Variants in NFS1 observed in about 807,000 individuals in gnomAD.
NFS1 encodes the protein NFS1 cysteine desulfurase, also known as cysteine desulfurase.
NFS1 carries 26 observed loss-of-function variants against 57.3 expected under a neutral mutation model. The observed-to-expected ratio is 0.45, with a 90% CI of 0.33 to 0.63. NFS1 has a LOEUF of 0.63. NFS1 is among the 20% of genes least tolerant of loss of function. The pLI is 0.02. For missense variants in NFS1, 505 were observed against 605.8 expected (o/e 0.83, Z 1.75); for synonymous variants, 209 against 216.3 (o/e 0.97, Z 0.30).
chr20:35,682,125 G>A, intron 5 of NFS1, 144 bp from the exon 6 acceptor site: 1 of 511,008 alleles, frequency 2.0e-6, no homozygotes, highest in Non-Finnish European at 3.7e-6. Context: ...AACACAAAAT[G>A]TTGGTGAGGA....
chr20:35,696,595 C>A, intron 3 of NFS1, 135 bp from the exon 4 acceptor site: 1 of 626,812 alleles, frequency 1.6e-6, no homozygotes, highest in South Asian at 1.9e-5. Flanking sequence ...AAGGTCTGCA[C>A]CTACAAGAAT....
chr20:35,689,110 C>T (rs1257378126), intron 5 of NFS1, among the ~76,000 whole-genome samples: 1 of 152,186 alleles, frequency 6.6e-6, no homozygotes, highest in Non-Finnish European at 1.5e-5. Flanking sequence ...CAGAGCTTTG[C>T]CATGGTGAAT....
At position 35,669,387 on chromosome 20, in the gene NFS1, G is replaced by T; in HGVS notation, c.*235C>A. 2.2e-6 allele frequency: 1 copy of T among 456,580 alleles called. No homozygotes were observed. Among genetic ancestry groups the T allele is most frequent in the Non-Finnish European group, 4.0e-6 (1 of 251,190 alleles). 28.3% of individuals were successfully genotyped at this position (456,580 alleles called of 1,614,324 possible). ...GCAAATGTCTCTATGGCTTCGGGAT[G>T]AAAATGTCCACACACTTTAAGACCC... On this transcript the variant is annotated 3_prime_UTR_variant, in exon 13 of 13. Coordinates refer to ENST00000374092, the MANE Select transcript of NFS1 (RefSeq NM_021100.5).
intron 4 of NFS1, among the ~76,000 whole-genome samples, chr20:35,695,948 G>A (rs531843505): frequency 2.6e-5 from 4 of 152,210 alleles, no homozygotes; most frequent in African/African-American, 7.2e-5. Flanking sequence ...GCTGAGGCAG[G>A]AGAATCACTT....
At position 35,674,506 on chromosome 20, in the gene NFS1, C is replaced by T; in HGVS notation, c.1054+6G>A. 5 of 1,613,330 alleles carry T rather than the reference C, an allele frequency of 3.1e-6. No individual in the cohort carries two copies. The highest frequency in any genetic ancestry group is 4.2e-6 in the Non-Finnish European group (5 of 1,179,262). ...CAGAATGAGGATAGAAAGAGCAAGT[C>T]CATACCGGGATAATGGTGCTTAGGG... On this transcript the variant is annotated splice_donor_region_variant and intron_variant, in intron 9 of 12. Transcript: ENST00000374092.
intron 5 of NFS1, among the ~76,000 whole-genome samples, chr20:35,685,816 C>T (rs1290829479): frequency 2.2e-5 from 3 of 134,190 alleles, no homozygotes; most frequent in Non-Finnish European, 4.8e-5. Context: ...TGAGATCGCG[C>T]CACTGCACTC....
intron 5 of NFS1, among the ~76,000 whole-genome samples, chr20:35,683,648 C>T (rs1024160333): frequency 4.0e-5 from 6 of 148,666 alleles, no homozygotes; most frequent in Non-Finnish European, 8.9e-5. Flanking sequence ...GGCATGGTGG[C>T]ACGCGCCCTG....
chr20:35,673,727 T>C (rs1227103832), intron 10 of NFS1, 43 bp from the exon 11 acceptor site: 1 of 1,511,514 alleles, frequency 6.6e-7, no homozygotes, highest in Non-Finnish European at 9.2e-7. Context: ...ATCATCAACG[T>C]CTACTTTTAG....
intron 4 of NFS1, chr20:35,692,401 A>C (rs181008926): frequency 0.032 from 4,779 of 150,350 alleles, 260 homozygotes; most frequent in African/African-American, 0.14. Flanking sequence ...TAATTAATTA[A>C]AAAAAAAAAA....
chr20:35,674,617 A>C lies in NFS1; in HGVS notation c.949T>G (p.Tyr317Asp). 1 of 1,612,528 alleles carries C rather than the reference A, an allele frequency of 6.2e-7. No homozygotes were observed. Among genetic ancestry groups the C allele is most frequent in the East Asian group, 2.2e-5 (1 of 44,870 alleles). The change falls in exon 9 of 13, where the codon TAT becomes GAT. Residue 317 changes from tyrosine to aspartate, a missense_variant and splice_region_variant. Transcript: ENST00000374092. ...AACTTTGAGATTCGCTTGTGGTCAT[A>C]CTAAGGAGCAGGCAAGGAAGGATTA... Reference protein sequence around the residue: ...ACEVAQQEMEYDHKRISKLSE... With the variant: ...ACEVAQQEMEDDHKRISKLSE...
At chr20:35,693,339 C>G (rs1361105127) in intron 4 of NFS1, among the ~76,000 whole-genome samples, 1 of 152,132 alleles carries the variant, frequency 6.6e-6, no homozygotes, top group Non-Finnish European at 1.5e-5. Context: ...CTCAGACAAC[C>G]TGCCTGCCTC....
chr20:35,690,532 G>A lies in NFS1; in HGVS notation c.442C>T (p.His148Tyr), dbSNP rs750567195. The part of the protein sequence containing the change: ...VARFYRSRKK[H>Y]LITTQTEHKC... ...TGTTCTGTCTGGGTGGTGATCAAGT[G>A]CTTTTTCCGTGACCTGTAGAATCGG... The change falls in exon 5 of 13, where the codon CAC (histidine) becomes TAC (tyrosine). Residue 148 changes from histidine (H) to tyrosine (Y), a missense_variant. Physicochemically the swap from His to Tyr is moderately conservative, Grantham distance 83. Coordinates refer to ENST00000374092, the MANE Select transcript of NFS1 (RefSeq NM_021100.5). 2 of 1,614,120 alleles carry A rather than the reference G, an allele frequency of 1.2e-6. No individual in the cohort carries two copies. Among genetic ancestry groups the A allele is most frequent in the Non-Finnish European group, 1.7e-6 (2 of 1,180,022 alleles).
intron 12 of NFS1, among the ~76,000 whole-genome samples, chr20:35,672,547 G>A (rs562769327): frequency 1.3e-5 from 2 of 152,212 alleles, no homozygotes; most frequent in East Asian, 1.9e-4. Context: ...CACCCTGCCC[G>A]GCCTAGTTCT....
intron 5 of NFS1, among the ~76,000 whole-genome samples, chr20:35,684,577 C>T (rs1179636394): frequency 6.6e-6 from 1 of 151,360 alleles, no homozygotes; most frequent in Non-Finnish European, 1.5e-5. Flanking sequence ...TGGTGAAACC[C>T]TGTCTCTACT....
intron 7 of NFS1, 129 bp from the exon 8 acceptor site, chr20:35,675,331 C>T (rs912862043): frequency 1.4e-5 from 14 of 1,013,702 alleles, no homozygotes; most frequent in African/African-American, 9.8e-5. Flanking sequence ...AAATAAAAAA[C>T]GTTAAGGAAA....
In NFS1 at chr20:35,697,748, T is replaced by C. The variant is rs774393300; in HGVS notation, c.260A>G (p.Asn87Ser). ...ATAAGCATGTGTCCGGGAGTGTGGG[T>C]TCCCATAGTAGTTGATTAGGTAAGG... ...MLPYLINYYG[N>S]PHSRTHAYGW... Residue 87 changes from asparagine (N) to serine (S), a missense_variant, in exon 3 of 13, where the codon AAC becomes AGC. Asn to Ser is a conservative substitution (Grantham distance 46). Transcript: ENST00000374092. The C allele has an allele frequency of 2.5e-6, 4 of 1,613,788 alleles. No homozygotes were observed. In the Admixed American group the frequency reaches 6.7e-5, roughly 27 times the overall value.
chr20:35,674,726 T>TATC (rs2034712911), intron 8 of NFS1, 109 bp from the exon 9 acceptor site: 2 of 854,024 alleles, frequency 2.3e-6, no homozygotes, highest in Non-Finnish European at 3.8e-6. Context: ...CAGCCCCACC[T>TATC]ATCATCCTAT....
At chr20:35,692,148 T>C in intron 4 of NFS1, 1 of 192,916 alleles carries the variant, frequency 5.2e-6, no homozygotes, top group Non-Finnish European at 1.1e-5. Flanking sequence ...GTCACGCCAT[T>C]GCACTTCAGC....
chr20:35,669,583 G>GGA lies in NFS1; in HGVS notation c.*37_*38dup. ...TGGTTGTGCACGGGTTGGTGAGGCA[G>GGA]GAGGGGCCAGACCAGCACAAAGTCA... On this transcript the variant is annotated 3_prime_UTR_variant, in exon 13 of 13. Coordinates refer to ENST00000374092, the MANE Select transcript of NFS1 (RefSeq NM_021100.5). The GGA allele has an allele frequency of 6.3e-7, 1 of 1,598,998 alleles. No individual in the cohort carries two copies. The highest frequency in any genetic ancestry group is 8.6e-7 in the Non-Finnish European group (1 of 1,166,326).
Sources: gnomAD v4.1 joint callset for allele counts (sites outside exome capture counted in the v4.1 genomes callset) on GRCh38, gnomAD v4.1.1 for gene constraint, MANE v1.5 for transcripts, NCBI Gene and HGNC (gene_info 2026-07-23, HGNC 2026-07-21) for gene names.